Variants in CEP170 observed in about 807,000 individuals in gnomAD.
The protein encoded by CEP170 is centrosomal protein 170.
CEP170 carries 21 observed loss-of-function variants against 151.9 expected under a neutral mutation model. The ratio of observed to expected loss-of-function variants is 0.14; its 90% CI spans 0.10 to 0.20. CEP170 has a LOEUF of 0.20. Among genes scored for constraint, CEP170 ranks in the 10% least tolerant of loss-of-function variants. The pLI is 1.00. For missense variants in CEP170, 964 were observed against 1,892.9 expected, an observed-to-expected ratio of 0.51 and a Z score of 9.11; for synonymous variants, 356 against 648.8, an observed-to-expected ratio of 0.55 and a Z score of 6.86.
In CEP170 at chr1:243,129,447, T is replaced by C; in HGVS notation, c.4326A>G (p.Leu1442=). ...CCCAATTCCGATCTTTGTCTTTAAATAATATTCTATAAATCAAAAAACATA... is the reference window on the plus strand; with the variant it reads ...CCCAATTCCGATCTTTGTCTTTAAACAATATTCTATAAATCAAAAAACATA... ...IDKTAGKIRI[L]FKDKDRNWDD... Residue 1442 remains leucine, a synonymous_variant, in exon 18 of 20, where the codon TTA becomes TTG. Transcript: ENST00000366542. The C allele has an allele frequency of 2.7e-6, 4 of 1,498,404 alleles. No homozygotes were observed. Among genetic ancestry groups the C allele is most frequent in the Non-Finnish European group, 3.6e-6 (4 of 1,107,226 alleles). 92.8% of individuals were successfully genotyped at this position (1,498,404 alleles called of 1,614,324 possible). A position where few individuals can be genotyped will look rare whatever the true frequency, so the allele number is the denominator to read the frequency against.
chr1:243,126,256 G>C lies in CEP170; in HGVS notation c.*193C>G. On this transcript the variant is annotated 3_prime_UTR_variant, in exon 20 of 20. Transcript: ENST00000366542. ...CTGCTTTTTCCTATTTGTGCATCAA[G>C]TGGTTATCTAAATAGTTTGAAAGGA... 4.2e-6 allele frequency: 3 copies of C among 709,482 alleles called. No homozygotes were observed. Among genetic ancestry groups the C allele is most frequent in the Non-Finnish European group, 7.7e-6 (3 of 390,466 alleles). The allele number at this position is 709,482 out of a possible 1,614,324, so 43.9% of individuals were successfully genotyped here.
intron 1 of CEP170, among the ~76,000 whole-genome samples, chr1:243,240,634 T>TA (rs1491529584): frequency 0.014 from 4 of 290 alleles, no homozygotes; most frequent in African/African-American, 0.017. Context: ...GGTATCTGTA[T>TA]TTTTTTTTTT....
intron 1 of CEP170, among the ~76,000 whole-genome samples, chr1:243,251,039 A>G (rs1182294851): frequency 6.6e-6 from 1 of 152,240 alleles, no homozygotes; most frequent in Non-Finnish European, 1.5e-5. Context: ...ACATTTAGAC[A>G]AGAGAAAATC....
intron 3 of CEP170, among the ~76,000 whole-genome samples, chr1:243,215,059 GC>G (rs1422475080): frequency 2.0e-5 from 3 of 152,054 alleles, no homozygotes; most frequent in Admixed American, 2.0e-4. Context: ...AATTTCTTAT[GC>G]CTGTCTTTAC....
intron 3 of CEP170, among the ~76,000 whole-genome samples, chr1:243,214,384 C>G (rs2062082643): frequency 7.1e-6 from 1 of 141,660 alleles, no homozygotes; most frequent in African/African-American, 2.6e-5. Flanking sequence ...CTCCCAGGTT[C>G]AAGCGATTCT....
At chr1:243,241,072 T>C (rs917472831) in intron 1 of CEP170, among the ~76,000 whole-genome samples, 1 of 152,232 alleles carries the variant, frequency 6.6e-6, no homozygotes, top group Non-Finnish European at 1.5e-5. Flanking sequence ...TTTAATAATA[T>C]CTAAATGAAC....
chr1:243,173,083 G>A (rs1207100834), intron 10 of CEP170, among the ~76,000 whole-genome samples: 7 of 150,622 alleles, frequency 4.6e-5, no homozygotes, highest in Admixed American at 3.3e-4. Flanking sequence ...TTTTTGAGAC[G>A]GAGTTTCACT....
chr1:243,182,670 T>C (rs1159616780), intron 10 of CEP170, among the ~76,000 whole-genome samples: 2 of 152,176 alleles, frequency 1.3e-5, no homozygotes, highest in East Asian at 3.8e-4. Context: ...CAAAAGTAAC[T>C]GTGGTCCTCT....
intron 4 of CEP170, among the ~76,000 whole-genome samples, chr1:243,210,715 A>G (rs2061732407): frequency 7.2e-6 from 1 of 139,092 alleles, no homozygotes; most frequent in Non-Finnish European, 1.5e-5. Context: ...CCTGGGTTCA[A>G]GCGATTCTCC....
At chr1:243,158,862 A>C (rs2057798710) in intron 13 of CEP170, among the ~76,000 whole-genome samples, 1 of 151,992 alleles carries the variant, frequency 6.6e-6, no homozygotes, top group Non-Finnish European at 1.5e-5. Context: ...AGGTCAAGAG[A>C]TCGGGACCCT....
At chr1:243,192,753 T>C (rs1197088227) in intron 7 of CEP170, among the ~76,000 whole-genome samples, 1 of 152,346 alleles carries the variant, frequency 6.6e-6, no homozygotes, top group South Asian at 2.1e-4. Context: ...TTGACAGCAG[T>C]CTGAATATGA....
At position 243,219,584 on chromosome 1, in the gene CEP170, T is replaced by C. The variant is rs1218082466; in HGVS notation, c.195+2140A>G. Among the ~76,000 whole-genome samples the C allele has an allele frequency of 2.6e-5, 4 of 152,258 alleles. No individual in the cohort carries two copies. In the South Asian group the frequency reaches 6.2e-4, roughly 24 times the overall value. ...ACCAAGTAATTTCCATATTTGAGCA[T>C]AGGCTTTTAAAAGACTAAAATGCTG... is the stretch of plus-strand genomic sequence containing the variant. On this transcript the variant is annotated intron_variant, in intron 3 of 19. Transcript: ENST00000366542.
At chr1:243,160,796 T>C (rs941509247) in intron 13 of CEP170, among the ~76,000 whole-genome samples, 1 of 152,198 alleles carries the variant, frequency 6.6e-6, no homozygotes, top group African/African-American at 2.4e-5. Flanking sequence ...AAGCCATGCA[T>C]GTCTAACATT....
Position 243,185,972 on chromosome 1 carries a change from G to A in CEP170, c.1373C>T (p.Thr458Ile). ...ACTCCCTGAACTTCTTAATAATGCAGTTTGTAGGAAGGGTATTGACACCGA... is the reference window on the plus strand; with the variant it reads ...ACTCCCTGAACTTCTTAATAATGCAATTTGTAGGAAGGGTATTGACACCGA... ...EPSVSIPFLQTALLRSSGSLG... is the reference protein window; with the variant it reads ...EPSVSIPFLQIALLRSSGSLG... Residue 458 changes from threonine (T) to isoleucine (I), a missense_variant, in exon 10 of 20, where the codon ACT (threonine) becomes ATT (isoleucine). Coordinates refer to ENST00000366542, the MANE Select transcript of CEP170 (RefSeq NM_014812.3). This position sits in a 1 kb window ranked among gnomAD's most constrained non-coding sequence, Gnocchi z 4.9. 6.2e-7 allele frequency: 1 copy of A among 1,613,714 alleles called. No individual in the cohort carries two copies. Among genetic ancestry groups the A allele is most frequent in the Non-Finnish European group, 8.5e-7 (1 of 1,179,704 alleles).
chr1:243,230,643 A>T (rs1572520010), intron 1 of CEP170, among the ~76,000 whole-genome samples: 1 of 152,328 alleles, frequency 6.6e-6, no homozygotes, highest in African/African-American at 2.4e-5. Flanking sequence ...TCAAAAGCAG[A>T]TATGAGGAGG....
At chr1:243,216,029 G>C (rs1254615683) in intron 3 of CEP170, among the ~76,000 whole-genome samples, 15 of 151,298 alleles carry the variant, frequency 9.9e-5, no homozygotes, top group Non-Finnish European at 4.4e-5. Context: ...ATGGTAAATG[G>C]TGATGACTAT....
chr1:243,134,462 C>A (rs1558372807), intron 17 of CEP170, among the ~76,000 whole-genome samples: 1 of 151,968 alleles, frequency 6.6e-6, no homozygotes, highest in Non-Finnish European at 1.5e-5. Flanking sequence ...TTTATATGTA[C>A]AAGGTACTCT....
At chr1:243,243,269 A>AG (rs2065037449) in intron 1 of CEP170, among the ~76,000 whole-genome samples, 1 of 152,094 alleles carries the variant, frequency 6.6e-6, no homozygotes, top group African/African-American at 2.4e-5. Flanking sequence ...ACATAAAGCA[A>AG]GGGCTCTCAT....
At chr1:243,247,356 C>G (rs565645354) in intron 1 of CEP170, among the ~76,000 whole-genome samples, 70 of 152,050 alleles carry the variant, frequency 4.6e-4, no homozygotes, top group Non-Finnish European at 9.0e-4. Flanking sequence ...CCTGGTTGTT[C>G]TTTTCTTTCT....
Sources: gnomAD v4.1 joint callset for allele counts (sites outside exome capture counted in the v4.1 genomes callset) on GRCh38, gnomAD v4.1.1 for gene constraint, Gnocchi (gnomAD v3.1) non-coding constraint, MANE v1.5 for transcripts, NCBI Gene and HGNC (gene_info 2026-07-23, HGNC 2026-07-21) for gene names.